PDE4D: variants seen among roughly 807,000 people sequenced by gnomAD.
The protein encoded by PDE4D is phosphodiesterase 4D, also known as 3',5'-cyclic-AMP phosphodiesterase 4D.
A neutral mutation model predicts 87.4 loss-of-function variants in PDE4D; 24 were observed. That is an observed-to-expected ratio of 0.27 (90% confidence interval 0.20 to 0.39). PDE4D has a LOEUF of 0.39. PDE4D is among the 10% of genes least tolerant of loss of function. PDE4D has a pLI of 1.00. For missense variants in PDE4D, 714 were observed against 1,041.0 expected (o/e 0.69, Z 4.32); for synonymous variants, 384 against 383.2 (o/e 1.00, Z -0.02).
rs537842900 is a variant in PDE4D, at chr5:59,050,319, C to G, written c.809-11348G>C. The stretch of plus-strand genomic sequence containing the variant: ...ACACACAAAAGATTTCCCGAAAAGA[C>G]TAGGCCCTTTTAAACAGGCTATGAA... On this transcript the variant is annotated intron_variant, in intron 5 of 14. Transcript: ENST00000340635. Among the ~76,000 whole-genome samples, 3 of 152,220 alleles carry G rather than the reference C, an allele frequency of 2.0e-5. No individual in the cohort carries two copies. The South Asian group carries it at 6.2e-4, about 32-fold the overall frequency.
At chr5:59,434,938 T>A (rs1796595803) in intron 1 of PDE4D, among the ~76,000 whole-genome samples, 1 of 152,150 alleles carries the variant, frequency 6.6e-6, no homozygotes, top group South Asian at 2.1e-4. Flanking sequence ...TCATAAAATA[T>A]GAGTTGGGCC....
intron 2 of PDE4D, among the ~76,000 whole-genome samples, chr5:60,107,696 G>A (rs1353033162): frequency 6.6e-6 from 1 of 152,118 alleles, no homozygotes; most frequent in Admixed American, 6.5e-5. Context: ...ATGCAAGGCT[G>A]GTTCAATATA....
rs369864614 is a variant in PDE4D, at chr5:60,284,712, T to C, written c.-89-99025A>G. On this transcript the variant is annotated intron_variant, in intron 1 of 16. Transcript: ENST00000502484. ...TTCACCTTTCATCCCCACTTTAAAA[T>C]AGAGAACAGCTAGAGGCTTGTGATT... is the stretch of plus-strand genomic sequence containing the variant. Among the ~76,000 whole-genome samples, 81 of 152,246 alleles carry C rather than the reference T, an allele frequency of 5.3e-4. 1 individual carries two copies. The highest frequency in any genetic ancestry group is 1.9e-3 in the African/African-American group (78 of 41,522).
chr5:60,226,226 T>C (rs143164942), intron 1 of PDE4D, among the ~76,000 whole-genome samples: 7 of 152,140 alleles, frequency 4.6e-5, no homozygotes, highest in African/African-American at 1.7e-4. Flanking sequence ...ATGAAAAGGG[T>C]TCTTTAAAGT....
intron 1 of PDE4D, among the ~76,000 whole-genome samples, chr5:60,253,238 G>A (rs1748672949): frequency 6.6e-6 from 1 of 151,856 alleles, no homozygotes; most frequent in Non-Finnish European, 1.5e-5. Flanking sequence ...TTTGCACCTT[G>A]CCCTAGAGAA....
intron 3 of PDE4D, among the ~76,000 whole-genome samples, chr5:59,958,503 A>C (rs1183150172): frequency 6.6e-6 from 1 of 152,210 alleles, no homozygotes; most frequent in Non-Finnish European, 1.5e-5. Flanking sequence ...AGTATTAAGA[A>C]ATTCAAAATG....
intron 1 of PDE4D, among the ~76,000 whole-genome samples, chr5:59,843,403 C>CA (rs754886754): frequency 1.3e-4 from 20 of 150,098 alleles, no homozygotes; most frequent in East Asian, 5.9e-4. Flanking sequence ...ATTGCAGAGC[C>CA]AAAAAAAAAT....
intron 11 of PDE4D, among the ~76,000 whole-genome samples, chr5:58,984,972 T>C (rs975165298): frequency 6.6e-6 from 1 of 152,164 alleles, no homozygotes; most frequent in Non-Finnish European, 1.5e-5. Flanking sequence ...TGTGATGGTA[T>C]GATCTCGGCT....
upstream of PDE4D, among the ~76,000 whole-genome samples, chr5:59,897,580 T>A (rs1181945311): frequency 1.3e-5 from 2 of 152,166 alleles, no homozygotes; most frequent in East Asian, 3.8e-4. Context: ...TAGGTATTTC[T>A]CCTAATGCTA....
rs117897599 is a variant in PDE4D, at chr5:59,517,689, T to A, written c.456-301721A>T. 4.6e-5 allele frequency among the ~76,000 whole-genome samples: 7 copies of A among 152,326 alleles called. No homozygotes were observed. In the East Asian group the frequency reaches 1.3e-3, roughly 29 times the overall value. On this transcript the variant is annotated intron_variant, in intron 1 of 14. Coordinates refer to ENST00000340635, the MANE Select transcript of PDE4D (RefSeq NM_001104631.2). ...GAAAGGAGGATATATTTCATAGGGT[T>A]GTAGCAGTTACATGAGTTAAAATAC...
At chr5:60,273,956 G>T (rs923739093) in intron 1 of PDE4D, among the ~76,000 whole-genome samples, 4 of 152,156 alleles carry the variant, frequency 2.6e-5, no homozygotes, top group African/African-American at 9.7e-5. Context: ...AGATGAGCAT[G>T]CCCAGTCAGA....
At chr5:59,351,522 C>A (rs1052070780) in intron 1 of PDE4D, among the ~76,000 whole-genome samples, 3 of 152,120 alleles carry the variant, frequency 2.0e-5, no homozygotes, top group African/African-American at 7.2e-5. Flanking sequence ...AATCTTCTGG[C>A]TCCTCTGAAC....
intron 1 of PDE4D, among the ~76,000 whole-genome samples, chr5:59,715,352 C>T (rs915993031): frequency 2.0e-5 from 3 of 152,184 alleles, no homozygotes; most frequent in Admixed American, 2.0e-4. Context: ...CCTGAAGCAC[C>T]CCTACATGCT....
At chr5:59,186,436 A>T (rs1265052202) in intron 3 of PDE4D, among the ~76,000 whole-genome samples, 1 of 152,168 alleles carries the variant, frequency 6.6e-6, no homozygotes, top group Non-Finnish European at 1.5e-5. Flanking sequence ...CCTTTGACTT[A>T]ATGACTTGGC....
At chr5:59,040,113 G>C (rs1759430875) in intron 5 of PDE4D, 1 of 152,234 alleles carries the variant, frequency 6.6e-6, no homozygotes, top group South Asian at 2.1e-4. Context: ...TAAGTTTTAG[G>C]GTTTCTGGGG....
At chr5:60,280,648 C>T (rs1359989447) in intron 1 of PDE4D, among the ~76,000 whole-genome samples, 1 of 152,106 alleles carries the variant, frequency 6.6e-6, no homozygotes. Flanking sequence ...ATGTCAGAGG[C>T]TGCTGGAACA....
In PDE4D at chr5:60,322,398, ACACACACACAC is replaced by A. The variant is rs1328278900; in HGVS notation, c.-89-136722_-89-136712del. Among the ~76,000 whole-genome samples the A allele has an allele frequency of 2.8e-3, 427 of 150,598 alleles. 2 individuals carry two copies. Among genetic ancestry groups the A allele is most frequent in the East Asian group, 0.021 (107 of 5,048 alleles). ...CACACACACACACACACACACACAC[ACACACACACAC>A]ACACACAAAACCCTAACATATTTCA... On this transcript the variant is annotated intron_variant, in intron 1 of 16. Coordinates refer to the PDE4D transcript ENST00000502484.
chr5:59,947,953 G>A (rs185248110), intron 3 of PDE4D, among the ~76,000 whole-genome samples: 3 of 152,308 alleles, frequency 2.0e-5, no homozygotes, highest in East Asian at 3.9e-4. Flanking sequence ...GTTGCAGTGA[G>A]CTGAGATGGT....
At chr5:59,288,940 A>G (rs1365780070) in intron 1 of PDE4D, among the ~76,000 whole-genome samples, 2 of 152,158 alleles carry the variant, frequency 1.3e-5, no homozygotes, top group Non-Finnish European at 1.5e-5. Context: ...AAGAAATGCT[A>G]AAGAATTCTC....
Sources: gnomAD v4.1 joint callset for allele counts (sites outside exome capture counted in the v4.1 genomes callset) on GRCh38, gnomAD v4.1.1 for gene constraint, MANE v1.5 for transcripts, NCBI Gene and HGNC (gene_info 2026-07-23, HGNC 2026-07-21) for gene names.